The following CSPG5 variants were observed in gnomAD, a reference collection of about 807,000 sequenced individuals.
CSPG5 encodes the protein chondroitin sulfate proteoglycan 5.
Under a neutral mutation model 39.8 loss-of-function variants are expected in CSPG5, and 25 were observed. The observed-to-expected ratio is 0.63, with a 90% CI of 0.46 to 0.88. The LOEUF (loss-of-function observed/expected upper bound fraction) is 0.88. Ranked by LOEUF, CSPG5 falls within the 40% of genes least tolerant of loss-of-function variation. The probability of loss-of-function intolerance (pLI) is 0.00; values close to 1 mark genes in which losing one functional copy is unlikely to be tolerated. For missense variants in CSPG5, 627 were observed against 702.2 expected (o/e 0.89, Z 1.21); for synonymous variants, 295 against 303.9 (o/e 0.97, Z 0.31).
chr3:47,565,869 C>T (rs2108189022), intron 4 of CSPG5, among the ~76,000 whole-genome samples: 1 of 152,326 alleles, frequency 6.6e-6, no homozygotes, highest in East Asian at 1.9e-4. Context: ...TTCATTCACG[C>T]AGTGTGCCTG....
intron 2 of CSPG5, among the ~76,000 whole-genome samples, chr3:47,575,878 C>T (rs2031700796): frequency 6.6e-6 from 1 of 151,976 alleles, no homozygotes; most frequent in African/African-American, 2.4e-5. Flanking sequence ...AGCAAACACC[C>T]CTCAACCCAG....
In CSPG5 at chr3:47,575,699, T is replaced by TAAGACC. The variant is rs1319047320; in HGVS notation, c.1193+1133_1193+1134insGGTCTT. Among the ~76,000 whole-genome samples the TAAGACC allele has an allele frequency of 2.0e-5, 3 of 152,176 alleles. No homozygotes were observed. The East Asian group carries it at 5.8e-4, about 29-fold the overall frequency. ...GTGTGAGTGGCTGCATTTTGGGGTC[T>TAAGACC]GTTTCCAAGAAGGTCCTCCCTTTTG... On this transcript the variant is annotated intron_variant, in intron 2 of 4. Coordinates refer to ENST00000264723, the MANE Select transcript of CSPG5 (RefSeq NM_006574.4).
rs976760084 is a variant in CSPG5 at position 47,578,038 on chromosome 3, C to G, written c.98-110G>C. The G allele has an allele frequency of 6.1e-6, 8 of 1,321,086 alleles. No homozygotes were observed. The highest frequency in any genetic ancestry group is 7.7e-6 in the Non-Finnish European group (8 of 1,040,446). 81.8% of individuals were successfully genotyped at this position (1,321,086 alleles called of 1,614,324 possible). On this transcript the variant is annotated intron_variant, in intron 1 of 4. Transcript: ENST00000264723. This position sits in a 1 kb window ranked among gnomAD's most constrained non-coding sequence, Gnocchi z 6.0. ...TCGCCTAGACCTGGTCAACCCAGAC[C>G]TCGCCACCCTCAGACCCCACCGCCC...
At chr3:47,570,054 C>G (rs536271407) in intron 3 of CSPG5, among the ~76,000 whole-genome samples, 6 of 151,984 alleles carry the variant, frequency 3.9e-5, no homozygotes, top group Admixed American at 1.3e-4. Flanking sequence ...CAGTCAAATA[C>G]TGTATTTCAT....
At chr3:47,570,772 G>A (rs926054178) in intron 3 of CSPG5, among the ~76,000 whole-genome samples, 9 of 151,986 alleles carry the variant, frequency 5.9e-5, no homozygotes, top group African/African-American at 2.2e-4. Context: ...CACCTGCCTC[G>A]GCCTCCCAAA....
chr3:47,574,942 AAAC>A (rs558118913), intron 2 of CSPG5, among the ~76,000 whole-genome samples: 117 of 152,298 alleles, frequency 7.7e-4, no homozygotes, highest in African/African-American at 2.3e-3. Context: ...CCGTCTCTAA[AAAC>A]AACAACAACA....
At chr3:47,564,176 A>G (rs1197772988) in intron 4 of CSPG5, among the ~76,000 whole-genome samples, 2 of 152,170 alleles carry the variant, frequency 1.3e-5, no homozygotes, top group African/African-American at 4.8e-5. Flanking sequence ...CACTACCAAA[A>G]TTCAAGATTA....
intron 4 of CSPG5, among the ~76,000 whole-genome samples, chr3:47,567,848 C>T (rs888597974): frequency 6.6e-6 from 1 of 152,106 alleles, no homozygotes; most frequent in African/African-American, 2.4e-5. Context: ...CTCAACTTTA[C>T]AAAAGTTAAA....
chr3:47,570,324 G>A (rs974496941), intron 3 of CSPG5, among the ~76,000 whole-genome samples: 3 of 149,092 alleles, frequency 2.0e-5, no homozygotes, highest in Non-Finnish European at 3.0e-5. Context: ...GGCTGGACTC[G>A]AACCCTTGGG....
Position 47,578,657 on chromosome 3 carries a change from G to GC in CSPG5, c.36dup (p.Pro13AlafsTer23). 1.8e-6 allele frequency: 2 copies of GC among 1,114,992 alleles called. No individual in the cohort carries two copies. The highest frequency in any genetic ancestry group is 2.2e-6 in the Non-Finnish European group (2 of 910,190). 69.1% of individuals were successfully genotyped at this position (1,114,992 alleles called of 1,614,324 possible). On this transcript the variant is annotated frameshift_variant, in exon 1 of 5. Coordinates refer to ENST00000264723, the MANE Select transcript of CSPG5 (RefSeq NM_006574.4). LOFTEE classifies it high-confidence loss of function. The surrounding 1 kb of genome is among the most constrained non-coding windows in gnomAD (Gnocchi z 6.0). ...CCCAGAAACAGCAGCAGTGGCGGCG[G>GC]CCCCCGGCCCGGGCCCCCGCCCCCG...
rs2031889036 is a variant in CSPG5, at chr3:47,578,821, GCCGCCGCCGCCGCCGT to G, written c.-144_-129del. 6.6e-6 allele frequency: 1 copy of G among 151,604 alleles called. No individual in the cohort carries two copies. Among genetic ancestry groups the G allele is most frequent in the African/African-American group, 2.4e-5 (1 of 40,858 alleles). The allele number at this position is 151,604 out of a possible 1,614,324, so 9.4% of individuals were successfully genotyped here. ...CGATGGGCAGCGCGAGGAGCCGCAT[GCCGCCGCCGCCGCCGT>G]CCGCCGCTGTCCCCGGCGCGCCGCG... On this transcript the variant is annotated 5_prime_UTR_variant, in exon 1 of 5. Transcript: ENST00000264723. This position sits in a 1 kb window ranked among gnomAD's most constrained non-coding sequence, Gnocchi z 6.0.
Position 47,577,794 on chromosome 3 carries a change from G to T in CSPG5, c.232C>A (p.Pro78Thr). The change falls in exon 2 of 5, where the codon CCC (proline) becomes ACC (threonine). Residue 78 changes from proline (P) to threonine (T), a missense_variant. By Grantham distance (38) the Pro-to-Thr change is conservative. Transcript: ENST00000264723. This position sits in a 1 kb window ranked among gnomAD's most constrained non-coding sequence, Gnocchi z 4.7. ...AGEDEASWTA[P>T]GGELAGPEEV... ...TCTGGCCCGGCCAGCTCGCCACCGG[G>T]CGCCGTCCACGACGCCTCATCTTCC... 1.3e-6 allele frequency: 2 copies of T among 1,584,622 alleles called. No individual in the cohort carries two copies. The highest frequency in any genetic ancestry group is 3.5e-5 in the Admixed American group (2 of 57,304).
At chr3:47,563,058 T>C (rs748900137) in intron 4 of CSPG5, among the ~76,000 whole-genome samples, 1 of 152,224 alleles carries the variant, frequency 6.6e-6, no homozygotes, top group Non-Finnish European at 1.5e-5. Context: ...AAAGAGTCCC[T>C]TGGCCCAGGC....
chr3:47,573,830 C>T (rs1157080577), intron 2 of CSPG5, among the ~76,000 whole-genome samples: 3 of 152,344 alleles, frequency 2.0e-5, no homozygotes, highest in East Asian at 3.9e-4. Flanking sequence ...AACTGAGCCT[C>T]TGCCGTCATG....
intron 4 of CSPG5, among the ~76,000 whole-genome samples, chr3:47,563,866 T>TA (rs2031189344): frequency 2.0e-5 from 3 of 152,192 alleles, no homozygotes; most frequent in African/African-American, 2.4e-5. Context: ...ATTTGCCTCT[T>TA]AAAGGTTCTC....
intron 4 of CSPG5, among the ~76,000 whole-genome samples, chr3:47,566,875 C>T (rs1029891866): frequency 2.1e-4 from 32 of 152,190 alleles, no homozygotes; most frequent in African/African-American, 6.8e-4. Context: ...TAGATCACCA[C>T]TGCCTGTGGC....
rs1453495822 is a variant in CSPG5 at position 47,577,000 on chromosome 3, G to T, written c.1026C>A (p.Arg342=). ...CCAAGTCCCTGCCTGGCTCTCCTGG[G>T]CGGGGCCTGAGGGCGATGCTGCTGC... ...VPGSSIALRP[R]PGEPGRDLAS... The change falls in exon 2 of 5, where the codon CGC becomes CGA. Residue 342 remains arginine (R), a synonymous_variant. Transcript: ENST00000264723. 1 of 1,613,482 alleles carries T rather than the reference G, an allele frequency of 6.2e-7. No individual in the cohort carries two copies. Among genetic ancestry groups the T allele is most frequent in the Non-Finnish European group, 8.5e-7 (1 of 1,179,704 alleles).
chr3:47,568,204 CTG>C (rs1004172984), intron 4 of CSPG5, among the ~76,000 whole-genome samples: 1 of 152,182 alleles, frequency 6.6e-6, no homozygotes, highest in African/African-American at 2.4e-5. Context: ...GTGTAATAAT[CTG>C]TGTAAAAATG....
At position 47,562,780 on chromosome 3, in the gene CSPG5, T is replaced by G. The variant is rs1553665404; in HGVS notation, c.1459-19A>C. 1.9e-5 allele frequency: 22 copies of G among 1,156,416 alleles called. No individual in the cohort carries two copies. The highest frequency in any genetic ancestry group is 1.3e-4 in the Admixed American group (6 of 47,146). 71.6% of individuals were successfully genotyped at this position (1,156,416 alleles called of 1,614,324 possible). On this transcript the variant is annotated intron_variant, in intron 4 of 4. Transcript: ENST00000264723. ...GATCATCCTGGAAGAGGGAAAAAGT[T>G]GGGGGGGGGGAGACAATGCATACAG...
Sources: gnomAD v4.1 joint callset for allele counts (sites outside exome capture counted in the v4.1 genomes callset) on GRCh38, gnomAD v4.1.1 for gene constraint, Gnocchi (gnomAD v3.1) non-coding constraint, MANE v1.5 for transcripts, NCBI Gene and HGNC (gene_info 2026-07-23, HGNC 2026-07-21) for gene names.